Variants in PARP4 observed in about 807,000 individuals in gnomAD.
The protein encoded by PARP4 is poly(ADP-ribose) polymerase family member 4.
In PARP4, 120 loss-of-function variants were observed where a neutral mutation model predicts 187.7. The ratio of observed to expected loss-of-function variants is 0.64; its 90% CI spans 0.55 to 0.74. The LOEUF is 0.74. Ranked by LOEUF, PARP4 falls within the 30% of genes least tolerant of loss-of-function variation. PARP4 has a pLI of 0.00. For synonymous variants in PARP4, 654 were observed against 740.9 expected (o/e 0.88, Z 1.90); for missense variants, 1,836 against 2,070.5 (o/e 0.89, Z 2.20).
intron 21 of PARP4, 76 bp from the exon 22 acceptor site, chr13:24,455,288 A>T: frequency 9.1e-6 from 10 of 1,094,186 alleles, no homozygotes; most frequent in Non-Finnish European, 1.2e-5. Context: ...GAAAACTCCA[A>T]AACTTTCTAG....
chr13:24,455,751 G>A (rs565613437), intron 21 of PARP4, among the ~76,000 whole-genome samples: 2 of 150,260 alleles, frequency 1.3e-5, no homozygotes, highest in Non-Finnish European at 3.0e-5. Context: ...CTGAGAAGCT[G>A]AAACCACAGG....
At chr13:24,430,891 G>A (rs1870301157) in intron 32 of PARP4, among the ~76,000 whole-genome samples, 1 of 152,236 alleles carries the variant, frequency 6.6e-6, no homozygotes, top group Non-Finnish European at 1.5e-5. Context: ...GTACATGGAT[G>A]GGGCTATGTG....
intron 30 of PARP4, among the ~76,000 whole-genome samples, chr13:24,435,726 A>G (rs1442088321): frequency 6.6e-6 from 1 of 152,116 alleles, no homozygotes; most frequent in African/African-American, 2.4e-5. Context: ...AGAACAGCTT[A>G]GGTGACACAG....
intron 15 of PARP4, among the ~76,000 whole-genome samples, chr13:24,472,872 T>C (rs1872785626): frequency 6.7e-6 from 1 of 150,148 alleles, no homozygotes. Context: ...GATTTTCTCC[T>C]TCTCTTTCAA....
chr13:24,492,388 T>C, intron 9 of PARP4, 33 bp downstream of exon 9: 14 of 1,511,048 alleles, frequency 9.3e-6, no homozygotes, highest in Non-Finnish European at 1.2e-5. Flanking sequence ...ACATATTTTA[T>C]AATAAATAGA....
chr13:24,428,827 T>C (rs1389467527), intron 32 of PARP4, among the ~76,000 whole-genome samples: 1 of 152,228 alleles, frequency 6.6e-6, no homozygotes, highest in African/African-American at 2.4e-5. Flanking sequence ...GTCATTTTTG[T>C]ATTTATAGTG....
intron 1 of PARP4, among the ~76,000 whole-genome samples, chr13:24,512,457 C>T (rs968559060): frequency 9.2e-5 from 14 of 152,246 alleles, no homozygotes; most frequent in Admixed American, 4.6e-4. Context: ...TGGGCGCCCC[C>T]CACCGCACCC....
intron 6 of PARP4, among the ~76,000 whole-genome samples, chr13:24,497,267 C>T (rs1304574115): frequency 6.6e-6 from 1 of 152,054 alleles, no homozygotes; most frequent in African/African-American, 2.4e-5. Context: ...CCTCAATACC[C>T]CATATATATA....
chr13:24,490,773 G>T lies in PARP4; in HGVS notation c.1109C>A (p.Pro370Gln). 1 of 1,613,996 alleles carries T rather than the reference G, an allele frequency of 6.2e-7. No individual in the cohort carries two copies. The highest frequency in any genetic ancestry group is 1.1e-5 in the South Asian group (1 of 91,072). ...CETNLSKPNP[P>Q]SLAKYRALRC... The stretch of plus-strand genomic sequence containing the variant: ...CAAAGCTCGGTATTTGGCCAGGGAT[G>T]GTGGGTTGGGTTTGGACAAATTAGT... The change falls in exon 10 of 34, where the codon CCA becomes CAA. Residue 370 changes from proline (P) to glutamine (Q), a missense_variant. Physicochemically the swap from Pro to Gln is moderately conservative, Grantham distance 76. This residue lies in a region of PARP4 where 1,147 missense variants were observed against 1,214.2 expected (regional missense o/e 0.94). Transcript: ENST00000381989.
At chr13:24,503,292 T>A (rs117127034) in intron 2 of PARP4, among the ~76,000 whole-genome samples, 153 of 152,352 alleles carry the variant, frequency 1.0e-3, no homozygotes, top group Non-Finnish European at 1.6e-3. Flanking sequence ...TACTGGTGAG[T>A]GACGACAGTG....
Position 24,492,548 on chromosome 13 carries a change from T to C in PARP4, c.926A>G (p.Lys309Arg). ...CAATTGCTCTGCTGTTTCTCCATTT[T>C]TCAGTGCTGCCTTTACTAGAAGGAG... The part of the protein sequence containing the change: ...GILLLVKAAL[K>R]NGETAEQLQK... Residue 309 changes from lysine (K) to arginine (R), a missense_variant, in exon 9 of 34, where the codon AAA (lysine) becomes AGA (arginine). Coordinates refer to ENST00000381989, the MANE Select transcript of PARP4 (RefSeq NM_006437.4). 1 of 1,614,146 alleles carries C rather than the reference T, an allele frequency of 6.2e-7. No homozygotes were observed. Among genetic ancestry groups the C allele is most frequent in the Non-Finnish European group, 8.5e-7 (1 of 1,179,992 alleles).
In PARP4 at chr13:24,486,188, G is replaced by A. The variant is rs1873541595; in HGVS notation, c.1332C>T (p.Asn444=). The A allele has an allele frequency of 6.2e-7, 1 of 1,612,136 alleles. No homozygotes were observed. The highest frequency in any genetic ancestry group is 1.7e-5 in the Admixed American group (1 of 59,604). The change falls in exon 11 of 34, where the codon AAC becomes AAT. Residue 444 remains asparagine, a synonymous_variant. Coordinates refer to ENST00000381989, the MANE Select transcript of PARP4 (RefSeq NM_006437.4). ...RPLLHGSPVQ[N]IVGILCRGLL... ...CTTACCGACACAAGATTCCCACGAT[G>A]TTTTGTACAGGAGAACCATGCAACA...
rs1370369457 is a variant in PARP4 at position 24,434,382 on chromosome 13, A to G, written c.4746+13T>C. ...CAGCCAACCACAGATTTAAGGAGAA[A>G]TAAGACACATACCTCTGTCTGTAGA... On this transcript the variant is annotated intron_variant, in intron 31 of 33. Transcript: ENST00000381989. 6.6e-7 allele frequency: 1 copy of G among 1,522,408 alleles called. No homozygotes were observed. Among genetic ancestry groups the G allele is most frequent in the Admixed American group, 2.2e-5 (1 of 46,346 alleles). The allele number at this position is 1,522,408 out of a possible 1,614,324, so 94.3% of individuals were successfully genotyped here. A position where few individuals can be genotyped will look rare whatever the true frequency, so the allele number is the denominator to read the frequency against.
Position 24,421,106 on chromosome 13 carries a change from A to C in PARP4, c.*13T>G, listed in dbSNP as rs1180988502. On this transcript the variant is annotated 3_prime_UTR_variant, in exon 34 of 34. Transcript: ENST00000381989. ...GAAGCATGCAAAAAGTTTAAAATTCAGTTTCATTTGACTTAGCCTTGACTG... is the reference window on the plus strand; with the variant it reads ...GAAGCATGCAAAAAGTTTAAAATTCCGTTTCATTTGACTTAGCCTTGACTG... The C allele has an allele frequency of 7.9e-7, 1 of 1,261,774 alleles. No homozygotes were observed. The highest frequency in any genetic ancestry group is 2.5e-5 in the East Asian group (1 of 39,526). 78.2% of individuals were successfully genotyped at this position (1,261,774 alleles called of 1,614,324 possible). A position where few individuals can be genotyped will look rare whatever the true frequency, so the allele number is the denominator to read the frequency against.
rs146567108 is a variant in PARP4 at position 24,501,814 on chromosome 13, A to G, written c.153T>C (p.Asp51=). 22 of 1,610,010 alleles carry G rather than the reference A, an allele frequency of 1.4e-5. No homozygotes were observed. The highest frequency in any genetic ancestry group is 1.7e-5 in the Admixed American group (1 of 59,968). ...GGTACTGACTCAGAACATCAGCATT[A>G]TCTAAGATTATATGTGTGCACTAAG... ...LNPQCTHIIL[D]NADVLSQYQL... The change falls in exon 3 of 34, where the codon GAT becomes GAC. Residue 51 remains aspartate (D), a synonymous_variant. Transcript: ENST00000381989.
intron 11 of PARP4, among the ~76,000 whole-genome samples, chr13:24,485,044 T>A (rs1422058373): frequency 6.6e-6 from 1 of 152,386 alleles, no homozygotes; most frequent in Middle Eastern, 3.4e-3. Context: ...GATTCTCCCA[T>A]TTTTCATTTA....
intron 1 of PARP4, among the ~76,000 whole-genome samples, chr13:24,506,305 T>C (rs1201459553): frequency 6.6e-6 from 1 of 152,064 alleles, no homozygotes; most frequent in Non-Finnish European, 1.5e-5. Context: ...GCTGCAGACC[T>C]CCGCGATTTA....
chr13:24,423,059 T>G (rs1336286424), intron 33 of PARP4, among the ~76,000 whole-genome samples: 1 of 152,220 alleles, frequency 6.6e-6, no homozygotes, highest in African/African-American at 2.4e-5. Context: ...GTTCAAAGTT[T>G]ATACTTGTTT....
intron 24 of PARP4, among the ~76,000 whole-genome samples, chr13:24,450,610 G>A (rs1387848002): frequency 3.3e-5 from 5 of 152,260 alleles, no homozygotes; most frequent in South Asian, 2.1e-4. Flanking sequence ...CCTTCAGGGC[G>A]GCTCTCAGAG....
Sources: gnomAD v4.1 joint callset for allele counts (sites outside exome capture counted in the v4.1 genomes callset) on GRCh38, gnomAD v4.1.1 for gene constraint, gnomAD v4.1.1 regional missense constraint, MANE v1.5 for transcripts, NCBI Gene and HGNC (gene_info 2026-07-23, HGNC 2026-07-21) for gene names.